Variants in ADAMTS13 observed in about 807,000 individuals in gnomAD.
ADAMTS13 encodes the protein A disintegrin and metalloproteinase with thrombospondin motifs 13.
A neutral mutation model predicts 155.1 loss-of-function variants in ADAMTS13; 110 were observed. That is an observed-to-expected ratio of 0.71 (90% CI 0.61 to 0.83). The LOEUF is 0.83. Among genes scored for constraint, ADAMTS13 ranks in the 40% least tolerant of loss-of-function variants. The probability of loss-of-function intolerance (pLI) is 0.00; values close to 1 mark genes in which losing one functional copy is unlikely to be tolerated. For missense variants in ADAMTS13, 1,707 were observed against 1,891.7 expected, an observed-to-expected ratio of 0.90 and a Z score of 1.81; for synonymous variants, 758 against 756.4, an observed-to-expected ratio of 1.00 and a Z score of -0.03.
chr9:133,422,400 C>T lies in ADAMTS13; in HGVS notation c.-44C>T, dbSNP rs375938330. ...CTGACCAGATTCCCAGTCACCAAGG[C>T]CCCCTCTCACTCCGCTCCACTCCTC... On this transcript the variant is annotated 5_prime_UTR_variant, in exon 1 of 29. Transcript: ENST00000355699. 2 of 1,559,102 alleles carry T rather than the reference C, an allele frequency of 1.3e-6. No individual in the cohort carries two copies. Among genetic ancestry groups the T allele is most frequent in the African/African-American group, 1.4e-5 (1 of 73,934 alleles).
chr9:133,438,910 CAAA>C (rs34233340), intron 14 of ADAMTS13, among the ~76,000 whole-genome samples: 5 of 111,232 alleles, frequency 4.5e-5, no homozygotes, highest in Admixed American at 9.8e-5. Context: ...GACACTGTCT[CAAA>C]AAAAAAAAAA....
At position 133,445,279 on chromosome 9, in the gene ADAMTS13, C is replaced by T. The variant is rs1379972777; in HGVS notation, c.2610+227C>T. Among the ~76,000 whole-genome samples the T allele has an allele frequency of 6.6e-6, 1 of 152,208 alleles. No homozygotes were observed. The highest frequency in any genetic ancestry group is 2.4e-5 in the African/African-American group (1 of 41,460). On this transcript the variant is annotated intron_variant, in intron 20 of 28. Coordinates refer to ENST00000355699, the MANE Select transcript of ADAMTS13 (RefSeq NM_139027.6). This position sits in a 1 kb window ranked among gnomAD's most constrained non-coding sequence, Gnocchi z 5.0. ...TTGCAAGCCGGGCTGAGGGAAGCAT[C>T]TGAGGAGAGTGTAATGCAGCTGCTG...
In ADAMTS13 at chr9:133,445,724, A is replaced by G. The variant is rs1478703745; in HGVS notation, c.2636A>G (p.Lys879Arg). 2 of 1,612,650 alleles carry G rather than the reference A, an allele frequency of 1.2e-6. No homozygotes were observed. The highest frequency in any genetic ancestry group is 1.7e-6 in the Non-Finnish European group (2 of 1,179,660). The change falls in exon 21 of 29, where the codon AAG becomes AGG. Residue 879 changes from lysine (K) to arginine (R), a missense_variant. Physicochemically the swap from Lys to Arg is conservative, Grantham distance 26. Coordinates refer to ENST00000355699, the MANE Select transcript of ADAMTS13 (RefSeq NM_139027.6). This position sits in a 1 kb window ranked among gnomAD's most constrained non-coding sequence, Gnocchi z 5.0. ...CTGGATGCCACCTCTGCAGGGGAGA[A>G]GGCTCCCTCCCCATGGGGCAGCATC... Reference protein sequence around the residue: ...GHLDATSAGEKAPSPWGSIRT... With the variant: ...GHLDATSAGERAPSPWGSIRT...
At chr9:133,415,333 CT>C (rs1427516679) in intron 1 of ADAMTS13, among the ~76,000 whole-genome samples, 3 of 152,204 alleles carry the variant, frequency 2.0e-5, no homozygotes, top group Admixed American at 2.0e-4. Flanking sequence ...GACCACTTCC[CT>C]TTTCAGCTTA....
intron 7 of ADAMTS13, among the ~76,000 whole-genome samples, chr9:133,429,471 C>T (rs959281759): frequency 7.6e-6 from 1 of 131,552 alleles, no homozygotes; most frequent in Non-Finnish European, 1.6e-5. Context: ...CCATCTCAGC[C>T]CCCTGCACCC....
In ADAMTS13 at chr9:133,458,038, G is replaced by A; in HGVS notation, c.3853G>A (p.Ala1285Thr). 1 of 1,613,472 alleles carries A rather than the reference G, an allele frequency of 6.2e-7. No individual in the cohort carries two copies. The highest frequency in any genetic ancestry group is 8.5e-7 in the Non-Finnish European group (1 of 1,180,036). Residue 1285 changes from alanine to threonine, a missense_variant, in exon 28 of 29, where the codon GCC becomes ACC. Around this residue, in one of 3 missense-constraint regions of ADAMTS13, gnomAD observed 961 missense variants for 1,107.9 expected, o/e 0.87. Transcript: ENST00000355699. The stretch of plus-strand genomic sequence containing the variant: ...TCCGCACGCACGGATTGCCATCCAT[G>A]CCCTGGCCACCAACATGGGCGCTGG... ...VAPHARIAIH[A>T]LATNMGAGTE...
In ADAMTS13 at chr9:133,414,386, ATACTTGGGTCT is replaced by A. The variant is rs1554780965; in HGVS notation, n.31_41del. On this transcript the variant is annotated non_coding_transcript_exon_variant, in exon 1 of 18. Transcript: ENST00000485925. ...CTGGCGAGAAGCAGGGACAGGCCTCATACTTGGGTCTTTCTGGCTTCAGCACGCTTTCCTTC... is the reference window on the plus strand; with the variant it reads ...CTGGCGAGAAGCAGGGACAGGCCTCATTCTGGCTTCAGCACGCTTTCCTTC... 2.5e-5 allele frequency: 16 copies of A among 642,706 alleles called. No individual in the cohort carries two copies. In the East Asian group the frequency reaches 5.0e-4, roughly 20 times the overall value. The allele number at this position is 642,706 out of a possible 1,614,324, so 39.8% of individuals were successfully genotyped here. A position where few individuals can be genotyped will look rare whatever the true frequency, so the allele number is the denominator to read the frequency against.
At chr9:133,435,977 C>CTTTTTTTTTTTTTTTTTTTTTTT (rs781795173) in intron 11 of ADAMTS13, among the ~76,000 whole-genome samples, 1 of 128,402 alleles carries the variant, frequency 7.8e-6, no homozygotes. Flanking sequence ...CTTTTCTCTT[C>CTTTTTTTTTTTTTTTTTTTTTTT]TTTTTTTTTT....
rs1008863673 is a variant in ADAMTS13 at position 133,441,558 on chromosome 9, A to G, written c.1969-841A>G. ...GGCCAGATGTGGGCATCGAGGGGGC[A>G]GGTGCGGAATGTCACCTCGCCCTGG... On this transcript the variant is annotated intron_variant, in intron 16 of 28. Coordinates refer to ENST00000355699, the MANE Select transcript of ADAMTS13 (RefSeq NM_139027.6). This position sits in a 1 kb window ranked among gnomAD's most constrained non-coding sequence, Gnocchi z 5.0. 6.6e-6 allele frequency among the ~76,000 whole-genome samples: 1 copy of G among 152,220 alleles called. No homozygotes were observed.
intron 1 of ADAMTS13, among the ~76,000 whole-genome samples, chr9:133,415,404 G>T (rs1839522950): frequency 6.6e-6 from 1 of 150,380 alleles, no homozygotes; most frequent in Non-Finnish European, 1.5e-5. Flanking sequence ...CTGCTACACA[G>T]AAATCGCTTT....
At chr9:133,458,858 G>A (rs1277502602) in intron 28 of ADAMTS13, 116 bp from the exon 29 acceptor site, 2 of 958,900 alleles carry the variant, frequency 2.1e-6, no homozygotes, top group East Asian at 2.6e-5. Flanking sequence ...ATTCCTAGTA[G>A]GGCTTTGTAA....
At chr9:133,442,593 G>C in intron 17 of ADAMTS13, 21 bp from the exon 18 acceptor site, 1 of 1,613,304 alleles carries the variant, frequency 6.2e-7, no homozygotes, top group Non-Finnish European at 8.5e-7. Context: ...AGGCGGCCTA[G>C]CCCTCCCTCT....
intron 1 of ADAMTS13, among the ~76,000 whole-genome samples, chr9:133,416,249 AGAGT>A (rs1554781538): frequency 1.3e-5 from 2 of 152,220 alleles, no homozygotes; most frequent in African/African-American, 4.8e-5. Context: ...ATGAACCAGC[AGAGT>A]GAGAACTTAC....
At chr9:133,438,862 C>T (rs1422720994) in intron 14 of ADAMTS13, among the ~76,000 whole-genome samples, 9 of 146,144 alleles carry the variant, frequency 6.2e-5, no homozygotes, top group East Asian at 2.0e-4. Context: ...TGCAGTGAGC[C>T]GAGATCCCTC....
intron 25 of ADAMTS13, 39 bp downstream of exon 25, chr9:133,455,474 C>G: frequency 6.2e-7 from 1 of 1,612,470 alleles, no homozygotes; most frequent in Non-Finnish European, 8.5e-7. Flanking sequence ...AGCCGCTGCT[C>G]CAGGACGGAC....
chr9:133,454,453 G>A lies in ADAMTS13; in HGVS notation c.3083G>A (p.Cys1028Tyr), dbSNP rs782597967. The A allele has an allele frequency of 6.2e-7, 1 of 1,613,668 alleles. No homozygotes were observed. Among genetic ancestry groups the A allele is most frequent in the African/African-American group, 1.3e-5 (1 of 74,954 alleles). The part of the protein sequence containing the change: ...VMSLGPCSAS[C>Y]GLGTARRSVA... The stretch of plus-strand genomic sequence containing the variant: ...TCCCTTGGCCCATGTTCGGCCAGCT[G>A]TGGCCTTGGCACTGCTAGACGCTCG... The change falls in exon 24 of 29, where the codon TGT becomes TAT. Residue 1028 changes from cysteine (C) to tyrosine (Y), a missense_variant. Cys to Tyr is a radical substitution (Grantham distance 194). This residue lies in a region of ADAMTS13 where 961 missense variants were observed against 1,107.9 expected (regional missense o/e 0.87). Coordinates refer to ENST00000355699, the MANE Select transcript of ADAMTS13 (RefSeq NM_139027.6).
chr9:133,434,095 CA>C (rs967176243), intron 11 of ADAMTS13, among the ~76,000 whole-genome samples: 15 of 144,526 alleles, frequency 1.0e-4, no homozygotes, highest in African/African-American at 1.8e-4. Flanking sequence ...GACTCTGTCT[CA>C]AAAAAAAAAT....
chr9:133,450,971 G>A (rs1000395755), intron 23 of ADAMTS13, among the ~76,000 whole-genome samples: 2 of 152,178 alleles, frequency 1.3e-5, no homozygotes, highest in Non-Finnish European at 2.9e-5. Context: ...TGTGGAAGAC[G>A]GGAGGGATGG....
In ADAMTS13 at chr9:133,456,121, C is replaced by T. The variant is rs1554795841; in HGVS notation, c.3453C>T (p.Gly1151=). The change falls in exon 26 of 29, where the codon GGC becomes GGT. Residue 1151 remains glycine, a synonymous_variant. Transcript: ENST00000355699. The surrounding 1 kb of genome is among the most constrained non-coding windows in gnomAD (Gnocchi z 4.4). ...CAACAGGAACCATTGACATGCGAGG[C>T]CCAGGGCAGGCAGACTGTGCAGTGG... is the stretch of plus-strand genomic sequence containing the variant. ...LEPTGTIDMR[G]PGQADCAVAI... The T allele has an allele frequency of 4.3e-6, 7 of 1,613,266 alleles. No homozygotes were observed. Among genetic ancestry groups the T allele is most frequent in the Non-Finnish European group, 8.5e-7 (1 of 1,180,052 alleles).
Sources: gnomAD v4.1 joint callset for allele counts (sites outside exome capture counted in the v4.1 genomes callset) on GRCh38, gnomAD v4.1.1 for gene constraint, gnomAD v4.1.1 regional missense constraint, Gnocchi (gnomAD v3.1) non-coding constraint, MANE v1.5 for transcripts, NCBI Gene and HGNC (gene_info 2026-07-23, HGNC 2026-07-21) for gene names.